SEC22C: variants seen among roughly 807,000 people sequenced by gnomAD.
The protein encoded by SEC22C is SEC22 homolog C, vesicle trafficking protein.
SEC22C carries 29 observed loss-of-function variants against 34.7 expected under a neutral mutation model. That is an observed-to-expected ratio of 0.84 (90% confidence interval 0.62 to 1.14). The LOEUF (loss-of-function observed/expected upper bound fraction) is 1.14. Among genes scored for constraint, SEC22C ranks in the 50% most tolerant of loss-of-function variants. The pLI is 0.00. For synonymous variants in SEC22C, 117 were observed against 132.8 expected (o/e 0.88, Z 0.82); for missense variants, 337 against 369.0 (o/e 0.91, Z 0.71).
intron 6 of SEC22C, 141 bp downstream of exon 6, chr3:42,555,789 C>T (rs1702496176): frequency 5.7e-6 from 4 of 705,104 alleles, no homozygotes; most frequent in East Asian, 2.8e-5. Flanking sequence ...AGGTCCTCCA[C>T]TAAGGGCTTG....
intron 1 of SEC22C, among the ~76,000 whole-genome samples, chr3:42,570,932 T>C (rs866969030): frequency 2.8e-4 from 43 of 152,014 alleles, no homozygotes; most frequent in African/African-American, 4.8e-4. Context: ...TATGAAGACA[T>C]TGAGGCCAAA....
chr3:42,597,789 A>T (rs561804285), intron 1 of SEC22C, among the ~76,000 whole-genome samples: 1 of 152,360 alleles, frequency 6.6e-6, no homozygotes, highest in South Asian at 2.1e-4. Context: ...TATTCTTCCA[A>T]TGTGGCCCAG....
upstream of SEC22C, among the ~76,000 whole-genome samples, chr3:42,585,697 T>C (rs1704587779): frequency 6.6e-6 from 1 of 152,204 alleles, no homozygotes; most frequent in Non-Finnish European, 1.5e-5. Context: ...GTAACACCCA[T>C]CTGGCAGCAC....
At chr3:42,564,794 G>A (rs940772028) in intron 2 of SEC22C, among the ~76,000 whole-genome samples, 1 of 152,200 alleles carries the variant, frequency 6.6e-6, no homozygotes, top group Non-Finnish European at 1.5e-5. Context: ...GTCTCACTCT[G>A]TCATCCATGC....
intron 4 of SEC22C, among the ~76,000 whole-genome samples, chr3:42,559,016 A>G (rs1186306089): frequency 6.6e-6 from 1 of 152,240 alleles, no homozygotes; most frequent in Non-Finnish European, 1.5e-5. Flanking sequence ...AATTGGAAAG[A>G]GGGAAACATT....
At chr3:42,582,894 G>A (rs1255299900), upstream of SEC22C, among the ~76,000 whole-genome samples, 1 of 152,208 alleles carries the variant, frequency 6.6e-6, no homozygotes, top group African/African-American at 2.4e-5. Flanking sequence ...TGCTTAATAG[G>A]TACAGAATTT....
chr3:42,549,267 C>T lies in SEC22C; in HGVS notation c.*3981G>A, dbSNP rs927358690. On this transcript the variant is annotated 3_prime_UTR_variant, in exon 7 of 7. Coordinates refer to ENST00000264454, the MANE Select transcript of SEC22C (RefSeq NM_032970.4). ...CATCTGATCACCATAAATGCTCCCA[C>T]CCCTGCCTGTCCTCACTTGTGCTGC... 4.1e-6 allele frequency: 4 copies of T among 986,266 alleles called. No homozygotes were observed. The highest frequency in any genetic ancestry group is 1.1e-4 in the East Asian group (1 of 8,822). 61.1% of individuals were successfully genotyped at this position (986,266 alleles called of 1,614,324 possible).
intron 1 of SEC22C, chr3:42,591,026 G>A (rs995996352): frequency 3.3e-6 from 5 of 1,532,950 alleles, no homozygotes; most frequent in African/African-American, 2.7e-5. Context: ...GAGGGGCTGC[G>A]GGGTGCGAGA....
chr3:42,561,538 G>A (rs1424626440), intron 3 of SEC22C, among the ~76,000 whole-genome samples: 1 of 152,030 alleles, frequency 6.6e-6, no homozygotes, highest in Non-Finnish European at 1.5e-5. Flanking sequence ...ACCACACCTG[G>A]CTAATTTTTT....
chr3:42,556,084 G>A (rs1702510634), intron 5 of SEC22C, 89 bp from the exon 6 acceptor site: 7 of 986,304 alleles, frequency 7.1e-6, no homozygotes, highest in Non-Finnish European at 1.1e-5. Context: ...CCTTCTGTCT[G>A]GTATGGTTGA....
chr3:42,570,467 T>C (rs537762797), intron 1 of SEC22C, among the ~76,000 whole-genome samples: 1 of 152,288 alleles, frequency 6.6e-6, no homozygotes, highest in South Asian at 2.1e-4. Context: ...TACCACAATA[T>C]ACATGTAGAA....
intron 1 of SEC22C, chr3:42,587,579 A>T (rs1704656960): frequency 6.6e-6 from 1 of 151,784 alleles, no homozygotes. Context: ...AAAAAAAAAT[A>T]CAAAAAATTA....
At chr3:42,560,307 T>TTAAA (rs918625554) in intron 4 of SEC22C, among the ~76,000 whole-genome samples, 2 of 148,704 alleles carry the variant, frequency 1.3e-5, no homozygotes, top group East Asian at 2.0e-4. Flanking sequence ...CAACTTGGAC[T>TTAAA]TAAATAAATA....
chr3:42,551,916 C>T lies in SEC22C; in HGVS notation c.*1332G>A, dbSNP rs183952569. 13 of 985,072 alleles carry T rather than the reference C, an allele frequency of 1.3e-5. No individual in the cohort carries two copies. The highest frequency in any genetic ancestry group is 6.2e-5 in the Admixed American group (1 of 16,248). The allele number at this position is 985,072 out of a possible 1,614,324, so 61.0% of individuals were successfully genotyped here. ...AGGATTTTTAAAAATTTATCAAGACCACATAATGCAGTTGAACACTCAAAG... is the reference window on the plus strand; with the variant it reads ...AGGATTTTTAAAAATTTATCAAGACTACATAATGCAGTTGAACACTCAAAG... On this transcript the variant is annotated 3_prime_UTR_variant, in exon 7 of 7. Transcript: ENST00000264454.
At chr3:42,587,772 C>T (rs1167354241) in intron 1 of SEC22C, among the ~76,000 whole-genome samples, 2 of 151,066 alleles carry the variant, frequency 1.3e-5, no homozygotes, top group African/African-American at 4.9e-5. Flanking sequence ...ATAAACCTCA[C>T]TCAAAACCTT....
chr3:42,566,872 T>C, intron 2 of SEC22C: 1 of 354,172 alleles, frequency 2.8e-6, no homozygotes, highest in Non-Finnish European at 5.8e-6. Flanking sequence ...GGTATAGTGG[T>C]GTGTAGACTC....
chr3:42,585,917 C>A (rs563822345), upstream of SEC22C, among the ~76,000 whole-genome samples: 1 of 152,072 alleles, frequency 6.6e-6, no homozygotes, highest in African/African-American at 2.4e-5. Context: ...ATCCTGCATG[C>A]TCCCCAGATC....
rs1577276595 is a variant in SEC22C at position 42,548,756 on chromosome 3, T to C, written c.*4492A>G. ...GAAGAGGGGCTGCTACCTTTTGGAG[T>C]GAAAAAAATGAGGTTTACACTGTAG... On this transcript the variant is annotated 3_prime_UTR_variant, in exon 7 of 7. Coordinates refer to ENST00000264454, the MANE Select transcript of SEC22C (RefSeq NM_032970.4). The C allele has an allele frequency of 6.3e-7, 1 of 1,582,628 alleles. No individual in the cohort carries two copies. Among genetic ancestry groups the C allele is most frequent in the Non-Finnish European group, 8.6e-7 (1 of 1,163,514 alleles).
At chr3:42,597,415 G>A (rs1000302596) in intron 1 of SEC22C, among the ~76,000 whole-genome samples, 1 of 152,164 alleles carries the variant, frequency 6.6e-6, no homozygotes, top group African/African-American at 2.4e-5. Context: ...AATTAGCCAG[G>A]TGTGGTGGCG....
Sources: gnomAD v4.1 joint callset for allele counts (sites outside exome capture counted in the v4.1 genomes callset) on GRCh38, gnomAD v4.1.1 for gene constraint, MANE v1.5 for transcripts, NCBI Gene and HGNC (gene_info 2026-07-23, HGNC 2026-07-21) for gene names.